The following CYSTM1 variants were observed in gnomAD, a reference collection of about 807,000 sequenced individuals.
CYSTM1 encodes the protein cysteine-rich transmembrane module-containing protein 1.
A neutral mutation model predicts 13.1 loss-of-function variants in CYSTM1; 4 were observed. That is an observed-to-expected ratio of 0.31 (90% confidence interval 0.15 to 0.70). The LOEUF is 0.70. Among genes scored for constraint, CYSTM1 ranks in the 30% least tolerant of loss-of-function variants. CYSTM1 has a pLI of 0.72. For synonymous variants in CYSTM1, 36 were observed against 42.7 expected (o/e 0.84, Z 0.62); for missense variants, 96 against 121.6 (o/e 0.79, Z 0.99).
chr5:140,223,105 G>A (rs1057283649), intron 2 of CYSTM1, among the ~76,000 whole-genome samples: 1 of 152,158 alleles, frequency 6.6e-6, no homozygotes, highest in Non-Finnish European at 1.5e-5. Context: ...CAATTACAGT[G>A]TGCTGGCAGG....
chr5:140,208,626 G>C (rs376579503), intron 2 of CYSTM1, among the ~76,000 whole-genome samples: 21 of 152,058 alleles, frequency 1.4e-4, no homozygotes, highest in African/African-American at 5.1e-4. Context: ...TTGAGGGAAA[G>C]GATACCCCAT....
At chr5:140,238,425 A>G (rs1423018631) in intron 2 of CYSTM1, among the ~76,000 whole-genome samples, 1 of 152,200 alleles carries the variant, frequency 6.6e-6, no homozygotes, top group Non-Finnish European at 1.5e-5. Flanking sequence ...GAAGGACAGA[A>G]GCTGGGCTGG....
At chr5:140,192,539 T>C (rs1301377588) in intron 1 of CYSTM1, among the ~76,000 whole-genome samples, 1 of 152,230 alleles carries the variant, frequency 6.6e-6, no homozygotes, top group Admixed American at 6.5e-5. Context: ...TGCTCTGCCT[T>C]TCTGAATGGC....
intron 2 of CYSTM1, among the ~76,000 whole-genome samples, chr5:140,224,030 G>A (rs67836595): frequency 0.19 from 29,486 of 152,218 alleles, 3,056 homozygotes; most frequent in South Asian, 0.24. Flanking sequence ...CAATGTCTCA[G>A]GTGGAGGCAG....
intron 1 of CYSTM1, among the ~76,000 whole-genome samples, chr5:140,186,968 A>T (rs888631235): frequency 6.6e-6 from 1 of 152,024 alleles, no homozygotes; most frequent in Non-Finnish European, 1.5e-5. Context: ...TCTACTAAAA[A>T]TACAAAAATT....
intron 2 of CYSTM1, among the ~76,000 whole-genome samples, chr5:140,214,640 G>A (rs1394403729): frequency 6.6e-6 from 1 of 152,126 alleles, no homozygotes; most frequent in Non-Finnish European, 1.5e-5. Context: ...TAAAAAACAT[G>A]ACACACATAT....
Position 140,243,342 on chromosome 5 carries a change from A to G in CYSTM1, c.225A>G (p.Gly75=), listed in dbSNP as rs749611008. ...VVEDQRRDEL[G]PSTCLTACWT... ...AAGACCAAAGAAGAGATGAGCTAGGACCATCCACCTGCCTCACAGCCTGCT... is the reference window on the plus strand; with the variant it reads ...AAGACCAAAGAAGAGATGAGCTAGGGCCATCCACCTGCCTCACAGCCTGCT... Residue 75 remains glycine (G), a synonymous_variant, in exon 3 of 3, where the codon GGA becomes GGG. Coordinates refer to ENST00000261811, the MANE Select transcript of CYSTM1 (RefSeq NM_032412.4). 2 of 1,614,068 alleles carry G rather than the reference A, an allele frequency of 1.2e-6. No homozygotes were observed. The highest frequency in any genetic ancestry group is 1.7e-6 in the Non-Finnish European group (2 of 1,179,990).
At chr5:140,229,975 A>G (rs1244833065) in intron 2 of CYSTM1, among the ~76,000 whole-genome samples, 4 of 152,132 alleles carry the variant, frequency 2.6e-5, no homozygotes, top group Admixed American at 2.0e-4. Flanking sequence ...GGTTCAAGGG[A>G]TTCTCTTGCC....
At chr5:140,197,386 T>A (rs1764171353) in intron 2 of CYSTM1, among the ~76,000 whole-genome samples, 1 of 152,248 alleles carries the variant, frequency 6.6e-6, no homozygotes, top group Admixed American at 6.5e-5. Flanking sequence ...CAAATGCAGT[T>A]GAAAGCTGTT....
At chr5:140,207,217 C>G (rs571482699) in intron 2 of CYSTM1, among the ~76,000 whole-genome samples, 1 of 152,278 alleles carries the variant, frequency 6.6e-6, no homozygotes, top group African/African-American at 2.4e-5. Flanking sequence ...CTGGTGGCCA[C>G]AGAACCGTCT....
intron 1 of CYSTM1, among the ~76,000 whole-genome samples, chr5:140,183,855 A>G (rs948431788): frequency 2.6e-5 from 4 of 152,178 alleles, no homozygotes; most frequent in South Asian, 2.1e-4. Context: ...CCACAGGACT[A>G]TTTGCAGCTG....
intron 2 of CYSTM1, among the ~76,000 whole-genome samples, chr5:140,196,384 T>C (rs917692107): frequency 2.0e-5 from 3 of 152,220 alleles, no homozygotes; most frequent in African/African-American, 7.2e-5. Flanking sequence ...TAATCAAAAG[T>C]AATAACAGAA....
intron 2 of CYSTM1, among the ~76,000 whole-genome samples, chr5:140,235,791 A>G (rs1764674408): frequency 6.6e-6 from 1 of 152,136 alleles, no homozygotes. Context: ...CTTGACAGTG[A>G]CATCTTCCCC....
chr5:140,229,590 C>T lies in CYSTM1; in HGVS notation c.188-13715C>T, dbSNP rs148790326. ...CTTTGTATGGTTTAGTCTTTGAAAA[C>T]TCATTTTCTATTCCAAGCTCATAAA... On this transcript the variant is annotated intron_variant, in intron 2 of 2. Coordinates refer to ENST00000261811, the MANE Select transcript of CYSTM1 (RefSeq NM_032412.4). Among the ~76,000 whole-genome samples the T allele has an allele frequency of 1.8e-3, 268 of 152,264 alleles. 2 individuals carry two copies. The highest frequency in any genetic ancestry group is 6.1e-3 in the African/African-American group (253 of 41,560).
At chr5:140,241,345 C>G in intron 2 of CYSTM1, among the ~76,000 whole-genome samples, 1 of 152,200 alleles carries the variant, frequency 6.6e-6, no homozygotes, top group East Asian at 1.9e-4. Flanking sequence ...TGTCCTGATG[C>G]CCATGCCCCA....
At chr5:140,184,978 A>C (rs1320655603) in intron 1 of CYSTM1, among the ~76,000 whole-genome samples, 3 of 152,246 alleles carry the variant, frequency 2.0e-5, no homozygotes, top group African/African-American at 7.2e-5. Flanking sequence ...ATCTATCAGG[A>C]CAAGTTGAGA....
chr5:140,195,918 G>A (rs941579092), intron 2 of CYSTM1, among the ~76,000 whole-genome samples: 3 of 151,708 alleles, frequency 2.0e-5, no homozygotes, highest in South Asian at 2.1e-4. Context: ...GGTGGTACGC[G>A]TCTATAGTCC....
chr5:140,196,034 C>T (rs1211631505), intron 2 of CYSTM1, among the ~76,000 whole-genome samples: 1 of 150,998 alleles, frequency 6.6e-6, no homozygotes, highest in Non-Finnish European at 1.5e-5. Flanking sequence ...CAGTGAGACT[C>T]CATCTCAAAA....
chr5:140,180,939 G>A (rs1390568765), intron 1 of CYSTM1, among the ~76,000 whole-genome samples: 1 of 152,110 alleles, frequency 6.6e-6, no homozygotes, highest in Non-Finnish European at 1.5e-5. Flanking sequence ...CTGATTATTT[G>A]TACTAAAGAA....
Sources: allele counts gnomAD v4.1 joint callset (sites outside exome capture counted in the v4.1 genomes callset), GRCh38; gene constraint gnomAD v4.1.1; transcripts MANE v1.5; gene names NCBI Gene and HGNC (gene_info 2026-07-23, HGNC 2026-07-21).